The following SCFD2 variants were observed in gnomAD, a reference collection of about 807,000 sequenced individuals.
The protein encoded by SCFD2 is sec1 family domain containing 2.
A neutral mutation model predicts 58.9 loss-of-function variants in SCFD2; 54 were observed. That is an observed-to-expected ratio of 0.92 (90% confidence interval 0.74 to 1.15). The LOEUF is 1.15. Among genes scored for constraint, SCFD2 ranks in the 50% most tolerant of loss-of-function variants. SCFD2 has a pLI of 0.00. For synonymous variants in SCFD2, 321 were observed against 335.9 expected (o/e 0.96, Z 0.49); for missense variants, 805 against 836.6 (o/e 0.96, Z 0.47).
intron 4 of SCFD2, among the ~76,000 whole-genome samples, chr4:53,216,608 C>T (rs1167521187): frequency 8.3e-6 from 1 of 119,854 alleles, no homozygotes; most frequent in African/African-American, 3.0e-5. Context: ...CTCCTGGATT[C>T]ATTGATTTTT....
chr4:52,925,351 TATAC>T (rs1340532507), intron 5 of SCFD2, among the ~76,000 whole-genome samples: 1 of 133,100 alleles, frequency 7.5e-6, no homozygotes, highest in African/African-American at 3.3e-5. Context: ...TATATATATA[TATAC>T]ATATATATAT....
Position 52,874,014 on chromosome 4 carries a change from C to T in SCFD2, c.2010G>A (p.Glu670=), listed in dbSNP as rs565411452. The part of the protein sequence containing the change: ...TRLLKPLNIP[E]LLFATDRLHP... The stretch of plus-strand genomic sequence containing the variant: ...GCAGTCGGTCAGTTGCAAATAACAG[C>T]TCAGGAATGTTAAGTGGCTTCAGGA... Residue 670 remains glutamate, a synonymous_variant, in exon 9 of 9, where the codon GAG becomes GAA. Transcript: ENST00000401642. The T allele has an allele frequency of 6.2e-7, 1 of 1,614,112 alleles. No individual in the cohort carries two copies. The highest frequency in any genetic ancestry group is 1.1e-5 in the South Asian group (1 of 91,084).
intron 5 of SCFD2, among the ~76,000 whole-genome samples, chr4:53,035,894 C>A (rs1722746069): frequency 6.6e-6 from 1 of 152,046 alleles, no homozygotes. Flanking sequence ...TAAATTAGTT[C>A]CACCATTGTG....
intron 2 of SCFD2, among the ~76,000 whole-genome samples, chr4:53,333,667 T>C (rs1429873883): frequency 7.1e-6 from 1 of 140,908 alleles, no homozygotes. Flanking sequence ...ACCTAGGCAA[T>C]ACCATTCAGG....
At chr4:53,138,030 A>G (rs1401662746) in intron 5 of SCFD2, among the ~76,000 whole-genome samples, 1 of 152,200 alleles carries the variant, frequency 6.6e-6, no homozygotes, top group Non-Finnish European at 1.5e-5. Context: ...TCTACTATGC[A>G]AACATTCTCA....
At chr4:53,333,356 A>G (rs1255825404) in intron 2 of SCFD2, among the ~76,000 whole-genome samples, 3 of 140,996 alleles carry the variant, frequency 2.1e-5, no homozygotes, top group African/African-American at 8.1e-5. Flanking sequence ...ACTATACTAC[A>G]AGGCTACAGT....
At chr4:53,094,714 C>A (rs1303227011) in intron 5 of SCFD2, among the ~76,000 whole-genome samples, 3 of 151,594 alleles carry the variant, frequency 2.0e-5, no homozygotes, top group Admixed American at 6.6e-5. Context: ...TTTCTTTTAT[C>A]TTAAAAAAAA....
At position 53,260,361 on chromosome 4, in the gene SCFD2, G is replaced by A. The variant is rs140129296; in HGVS notation, c.1311+13465C>T. 6.9e-3 allele frequency among the ~76,000 whole-genome samples: 1,055 copies of A among 152,160 alleles called. 39 individuals carry two copies. The highest frequency in any genetic ancestry group is 0.062 in the Admixed American group (949 of 15,280). On this transcript the variant is annotated intron_variant, in intron 4 of 8. Transcript: ENST00000401642. Reference sequence around the variant, plus strand: ...CCCCATTCAGTATAATGTTAGCAGTGGGTTCGTCATGGACAACCTTTATTA... The same window carrying A: ...CCCCATTCAGTATAATGTTAGCAGTAGGTTCGTCATGGACAACCTTTATTA...
intron 5 of SCFD2, among the ~76,000 whole-genome samples, chr4:53,112,438 T>G (rs1725199011): frequency 6.6e-6 from 1 of 152,140 alleles, no homozygotes; most frequent in East Asian, 1.9e-4. Context: ...ATAGCTGGTA[T>G]GGCTCTACGG....
At chr4:53,253,925 A>G (rs966578824) in intron 4 of SCFD2, among the ~76,000 whole-genome samples, 1 of 151,934 alleles carries the variant, frequency 6.6e-6, no homozygotes, top group Non-Finnish European at 1.5e-5. Context: ...TCAAAAAAAA[A>G]AATCATGTCC....
chr4:53,229,923 A>G (rs1729373685), intron 4 of SCFD2, among the ~76,000 whole-genome samples: 1 of 152,226 alleles, frequency 6.6e-6, no homozygotes, highest in South Asian at 2.1e-4. Context: ...ACAAATTTAC[A>G]AGAAAAAAAC....
intron 5 of SCFD2, among the ~76,000 whole-genome samples, chr4:52,970,958 T>C: frequency 6.6e-6 from 1 of 152,172 alleles, no homozygotes; most frequent in Non-Finnish European, 1.5e-5. Flanking sequence ...CTGAGGGTCC[T>C]GACTGTTAGA....
At chr4:53,186,277 C>T (rs1396710013) in intron 4 of SCFD2, among the ~76,000 whole-genome samples, 1 of 152,052 alleles carries the variant, frequency 6.6e-6, no homozygotes, top group African/African-American at 2.4e-5. Context: ...ATTCTACCTC[C>T]CCCTTTTCCC....
chr4:53,279,168 C>A (rs901366537), intron 3 of SCFD2, among the ~76,000 whole-genome samples: 1 of 152,144 alleles, frequency 6.6e-6, no homozygotes, highest in Non-Finnish European at 1.5e-5. Flanking sequence ...AAATGTCAAC[C>A]CACCAGGCTT....
At chr4:53,196,426 T>C (rs1278197670) in intron 4 of SCFD2, among the ~76,000 whole-genome samples, 1 of 152,184 alleles carries the variant, frequency 6.6e-6, no homozygotes, top group East Asian at 1.9e-4. Flanking sequence ...TTTATATAAG[T>C]GGAGGATATA....
At chr4:53,079,124 A>G (rs1207447109) in intron 5 of SCFD2, among the ~76,000 whole-genome samples, 1 of 152,026 alleles carries the variant, frequency 6.6e-6, no homozygotes, top group Non-Finnish European at 1.5e-5. Context: ...ATTCAGTTTG[A>G]CTCTGAAGGC....
At chr4:53,173,825 T>C (rs748703549) in intron 4 of SCFD2, among the ~76,000 whole-genome samples, 6 of 152,140 alleles carry the variant, frequency 3.9e-5, no homozygotes, top group African/African-American at 9.7e-5. Flanking sequence ...CTGCTTAACT[T>C]TGATCACATA....
intron 4 of SCFD2, among the ~76,000 whole-genome samples, chr4:53,205,907 C>T (rs868576522): frequency 4.6e-5 from 7 of 151,418 alleles, no homozygotes; most frequent in Non-Finnish European, 1.0e-4. Context: ...ACAAAATAAG[C>T]TTAATAAATT....
At chr4:53,271,945 A>G (rs1021642153) in intron 4 of SCFD2, among the ~76,000 whole-genome samples, 1 of 152,226 alleles carries the variant, frequency 6.6e-6, no homozygotes, top group African/African-American at 2.4e-5. Flanking sequence ...CATTTTTGCA[A>G]TCTACTCATC....
Sources: allele counts gnomAD v4.1 joint callset (sites outside exome capture counted in the v4.1 genomes callset), GRCh38; gene constraint gnomAD v4.1.1; transcripts MANE v1.5; gene names NCBI Gene and HGNC (gene_info 2026-07-23, HGNC 2026-07-21).